The following LRP1 variants were observed in gnomAD, a reference collection of about 807,000 sequenced individuals.
LRP1 encodes the protein LDL receptor related protein 1, also known as prolow-density lipoprotein receptor-related protein 1.
LRP1 carries 51 observed loss-of-function variants against 541.5 expected under a neutral mutation model. The observed-to-expected ratio is 0.09, with a 90% CI of 0.08 to 0.12. The LOEUF (loss-of-function observed/expected upper bound fraction) is 0.12. Ranked by LOEUF, LRP1 falls within the 10% of genes least tolerant of loss-of-function variation. LRP1 has a pLI of 1.00. For synonymous variants in LRP1, 2,219 were observed against 2,470.8 expected (o/e 0.90, Z 3.02); for missense variants, 3,878 against 6,376.2 (o/e 0.61, Z 13.34).
intron 11 of LRP1, 73 bp from the exon 12 acceptor site, chr12:57,159,752 C>G (rs976589357): frequency 1.7e-5 from 26 of 1,511,704 alleles, no homozygotes; most frequent in Non-Finnish European, 2.4e-5. Flanking sequence ...TACCTGAGTC[C>G]GGGAGGGCCA....
At chr12:57,144,429 G>T (rs189315933) in intron 4 of LRP1, among the ~76,000 whole-genome samples, 1 of 152,058 alleles carries the variant, frequency 6.6e-6, no homozygotes, top group Admixed American at 6.5e-5. Flanking sequence ...ATTTTTCACT[G>T]CTACAAGCAA....
Position 57,210,471 on chromosome 12 carries a change from T to C in LRP1, c.12745T>C (p.Ser4249Pro). The change falls in exon 82 of 89, where the codon TCC becomes CCC. Residue 4249 changes from serine to proline, a missense_variant. Ser to Pro is a moderately conservative substitution (Grantham distance 74). Coordinates refer to ENST00000243077, the MANE Select transcript of LRP1 (RefSeq NM_002332.3). ...TCGCAATGGGGGCACCTGTGCTGCCTCCCCCTCTGGTATGCCCCCTCATCC... is the reference window on the plus strand; with the variant it reads ...TCGCAATGGGGGCACCTGTGCTGCCCCCCCCTCTGGTATGCCCCCTCATCC... ...HCRNGGTCAA[S>P]PSGMPTCRCP... is the part of the protein sequence containing the mutation. The C allele has an allele frequency of 6.6e-7, 1 of 1,525,238 alleles. No homozygotes were observed. Among genetic ancestry groups the C allele is most frequent in the Admixed American group, 2.1e-5 (1 of 48,760 alleles). The allele number at this position is 1,525,238 out of a possible 1,614,324, so 94.5% of individuals were successfully genotyped here. A position where few individuals can be genotyped will look rare whatever the true frequency, so the allele number is the denominator to read the frequency against.
Position 57,190,883 on chromosome 12 carries a change from C to G in LRP1, c.7110C>G (p.Thr2370=). The change falls in exon 43 of 89, where the codon ACC becomes ACG. Residue 2370 remains threonine (T), a synonymous_variant. Coordinates refer to ENST00000243077, the MANE Select transcript of LRP1 (RefSeq NM_002332.3). ...RAALSGANVL[T]LIEKDIRTPN... is the part of the protein sequence containing the mutation. ...CGCTCTCGGGAGCCAATGTCCTGAC[C>G]CTTATCGAGAAGGACATCCGTACCC... The G allele has an allele frequency of 6.2e-7, 1 of 1,613,980 alleles. No homozygotes were observed.
intron 76 of LRP1, 81 bp from the exon 77 acceptor site, chr12:57,207,957 C>T: frequency 6.6e-7 from 1 of 1,510,306 alleles, no homozygotes. Context: ...GGTGACGTTC[C>T]AGCAGGCTGG....
In LRP1 at chr12:57,206,614, C is replaced by G. The variant is rs773527918; in HGVS notation, c.11732C>G (p.Ala3911Gly). Reference protein sequence around the residue: ...RIDAMDVHVKAGRVYWTNWHT... With the variant: ...RIDAMDVHVKGGRVYWTNWHT... ...GATGCTATGGATGTCCATGTCAAGG[C>G]TGGCCGTGTCTATTGGACCAACTGG... is the stretch of plus-strand genomic sequence containing the variant. The change falls in exon 76 of 89, where the codon GCT becomes GGT. Residue 3911 changes from alanine (A) to glycine (G), a missense_variant. Physicochemically the swap from Ala to Gly is moderately conservative, Grantham distance 60 (BLOSUM62 0). Around this residue, in one of 13 missense-constraint regions of LRP1, gnomAD observed 871 missense variants for 1,212.4 expected, o/e 0.72. Coordinates refer to ENST00000243077, the MANE Select transcript of LRP1 (RefSeq NM_002332.3). This position sits in a 1 kb window ranked among gnomAD's most constrained non-coding sequence, Gnocchi z 4.7. 1.2e-6 allele frequency: 2 copies of G among 1,614,164 alleles called. No individual in the cohort carries two copies. Among genetic ancestry groups the G allele is most frequent in the South Asian group, 2.2e-5 (2 of 91,086 alleles).
rs1007921917 is a variant in LRP1 at position 57,179,240 on chromosome 12, C to T, written c.4739-89C>T. On this transcript the variant is annotated intron_variant, in intron 28 of 88. Transcript: ENST00000243077. The surrounding 1 kb of genome is among the most constrained non-coding windows in gnomAD (Gnocchi z 6.8). ...GAGCCAAGGGCCAGTAGCAAACAGA[C>T]GGATCCAGAAGAAGGCAGGGCCTGA... The T allele has an allele frequency of 5.5e-5, 68 of 1,235,206 alleles. No individual in the cohort carries two copies. The highest frequency in any genetic ancestry group is 1.4e-4 in the South Asian group (10 of 72,886). 76.5% of individuals were successfully genotyped at this position (1,235,206 alleles called of 1,614,324 possible).
intron 6 of LRP1, chr12:57,149,846 C>A: frequency 1.5e-6 from 1 of 683,476 alleles, no homozygotes; most frequent in South Asian, 1.5e-5. Flanking sequence ...GTCTCCTTCC[C>A]ACCTTCGAAG....
chr12:57,155,042 G>A lies in LRP1; in HGVS notation c.1227+341G>A, dbSNP rs1210990090. 3.1e-5 allele frequency: 17 copies of A among 550,790 alleles called. No homozygotes were observed. The East Asian group carries it at 5.0e-4, about 16-fold the overall frequency. 34.1% of individuals were successfully genotyped at this position (550,790 alleles called of 1,614,324 possible). On this transcript the variant is annotated intron_variant, in intron 8 of 88. Coordinates refer to ENST00000243077, the MANE Select transcript of LRP1 (RefSeq NM_002332.3). Reference sequence around the variant, plus strand: ...ATCAAAGAGGTTAGGTGATTTGCCTGTGTTTACAAAGCCGGGTGATAGCAC... The same window carrying A: ...ATCAAAGAGGTTAGGTGATTTGCCTATGTTTACAAAGCCGGGTGATAGCAC...
At chr12:57,180,903 G>A (rs2036152059) in intron 33 of LRP1, 96 bp downstream of exon 33, 1 of 1,520,996 alleles carries the variant, frequency 6.6e-7, no homozygotes, top group Admixed American at 1.7e-5. Context: ...GGGAGTAAGT[G>A]GGTTAGGCTG....
intron 10 of LRP1, among the ~76,000 whole-genome samples, chr12:57,157,939 G>T (rs1290954310): frequency 6.6e-6 from 1 of 152,218 alleles, no homozygotes; most frequent in Non-Finnish European, 1.5e-5. Context: ...GACATGATTG[G>T]ATTCACATTT....
chr12:57,163,127 G>A lies in LRP1; in HGVS notation c.2530+144G>A, dbSNP rs1017320232. 5 of 1,235,618 alleles carry A rather than the reference G, an allele frequency of 4.0e-6. No homozygotes were observed. In the East Asian group the frequency reaches 1.0e-4, roughly 25 times the overall value. 76.5% of individuals were successfully genotyped at this position (1,235,618 alleles called of 1,614,324 possible). ...TAGGGGGCCAACAGGAAGCAAGGGAGGGGGAGAGCAAAGGCTCTGGGGGCT... is the reference window on the plus strand; with the variant it reads ...TAGGGGGCCAACAGGAAGCAAGGGAAGGGGAGAGCAAAGGCTCTGGGGGCT... On this transcript the variant is annotated intron_variant, in intron 15 of 88. Coordinates refer to ENST00000243077, the MANE Select transcript of LRP1 (RefSeq NM_002332.3).
intron 8 of LRP1, chr12:57,155,590 T>C (rs1592615626): frequency 6.5e-6 from 1 of 154,372 alleles, no homozygotes; most frequent in East Asian, 1.9e-4. Flanking sequence ...AGTGGGATCT[T>C]GGTAAGCAAA....
Position 57,201,518 on chromosome 12 carries a change from A to G in LRP1, c.10367A>G (p.Asn3456Ser), listed in dbSNP as rs766116085. The part of the protein sequence containing the change: ...RDCPEVTCAP[N>S]QFQCSITKRC... Reference sequence around the variant, plus strand: ...ACAGCCGAGGTGACCTGCGCCCCCAACCAGTTCCAGTGCTCCATTACCAAA... The same window carrying G: ...ACAGCCGAGGTGACCTGCGCCCCCAGCCAGTTCCAGTGCTCCATTACCAAA... Residue 3456 changes from asparagine (N) to serine (S), a missense_variant, in exon 66 of 89, where the codon AAC becomes AGC. By Grantham distance (46) the Asn-to-Ser change is conservative. Transcript: ENST00000243077. The surrounding 1 kb of genome is among the most constrained non-coding windows in gnomAD (Gnocchi z 6.4). 1.2e-6 allele frequency: 2 copies of G among 1,613,390 alleles called. No individual in the cohort carries two copies. Among genetic ancestry groups the G allele is most frequent in the Non-Finnish European group, 1.7e-6 (2 of 1,179,674 alleles).
rs1208821870 is a variant in LRP1 at position 57,209,804 on chromosome 12, C to A, written c.12375C>A (p.Asn4125Lys). The A allele has an allele frequency of 6.2e-7, 1 of 1,614,096 alleles. No individual in the cohort carries two copies. Among genetic ancestry groups the A allele is most frequent in the Admixed American group, 1.7e-5 (1 of 60,008 alleles). ...AGTTTGGCCACAGCCCCTTGGTCAA[C>A]CTGACAGGGGGCCTGAGCCACGCCT... ...IHKFGHSPLVNLTGGLSHASD... is the reference protein window; with the variant it reads ...IHKFGHSPLVKLTGGLSHASD... Residue 4125 changes from asparagine (N) to lysine (K), a missense_variant, in exon 80 of 89, where the codon AAC (asparagine) becomes AAA (lysine). Transcript: ENST00000243077.
At chr12:57,166,529 C>G (rs1281784776) in intron 17 of LRP1, 10 of 393,764 alleles carry the variant, frequency 2.5e-5, no homozygotes, top group Non-Finnish European at 4.1e-5. Flanking sequence ...CCACTGCTCT[C>G]CAGCCTAGAC....
At position 57,193,989 on chromosome 12, in the gene LRP1, A is replaced by G; in HGVS notation, c.7895A>G (p.Asp2632Gly). 2 of 1,614,158 alleles carry G rather than the reference A, an allele frequency of 1.2e-6. No homozygotes were observed. Among genetic ancestry groups the G allele is most frequent in the Non-Finnish European group, 1.7e-6 (2 of 1,180,022 alleles). Reference protein sequence around the residue: ...SRCNQFVDCEDASDEMNCSAT... With the variant: ...SRCNQFVDCEGASDEMNCSAT... The stretch of plus-strand genomic sequence containing the variant: ...TGCAACCAGTTTGTGGATTGTGAGG[A>G]CGCCTCAGATGAGATGAACTGCAGT... Residue 2632 changes from aspartate (D) to glycine (G), a missense_variant, in exon 48 of 89, where the codon GAC becomes GGC. Transcript: ENST00000243077.
rs750447929 is a variant in LRP1, at chr12:57,201,912, C to T, written c.10594+7C>T. 18 of 1,613,556 alleles carry T rather than the reference C, an allele frequency of 1.1e-5. No homozygotes were observed. Among genetic ancestry groups the T allele is most frequent in the African/African-American group, 1.3e-5 (1 of 74,796 alleles). Reference sequence around the variant, plus strand: ...GAGCCCAAGGAAGAGTGTGGTGAGCCGAGACCCCACTCCAGGAGGAAGACA... The same window carrying T: ...GAGCCCAAGGAAGAGTGTGGTGAGCTGAGACCCCACTCCAGGAGGAAGACA... On this transcript the variant is annotated splice_region_variant and intron_variant, in intron 67 of 88. Coordinates refer to ENST00000243077, the MANE Select transcript of LRP1 (RefSeq NM_002332.3). This position sits in a 1 kb window ranked among gnomAD's most constrained non-coding sequence, Gnocchi z 6.4.
Position 57,198,731 on chromosome 12 carries a change from C to T in LRP1, c.9676+61C>T, listed in dbSNP as rs747830822. On this transcript the variant is annotated intron_variant, in intron 60 of 88. Transcript: ENST00000243077. ...ACTCAGTGGGGATGGAGGTCTGAAG[C>T]GACAGGGGATCAAGTTTTGGGGGCA... 5.6e-5 allele frequency: 82 copies of T among 1,473,402 alleles called. 1 individual carries two copies. Among genetic ancestry groups the T allele is most frequent in the Admixed American group, 1.9e-4 (10 of 52,150 alleles). 91.3% of individuals were successfully genotyped at this position (1,473,402 alleles called of 1,614,324 possible).
Position 57,204,309 on chromosome 12 carries a change from C to T in LRP1, c.10952-101C>T. On this transcript the variant is annotated intron_variant, in intron 70 of 88. Transcript: ENST00000243077. This position sits in a 1 kb window ranked among gnomAD's most constrained non-coding sequence, Gnocchi z 5.3. ...TGGTTCCAATTTGGCTGTGCCACTG[C>T]TTGCCTGGTGACCCCTCTGAGCCTG... 1 of 1,346,930 alleles carries T rather than the reference C, an allele frequency of 7.4e-7. No individual in the cohort carries two copies. The highest frequency in any genetic ancestry group is 2.6e-4 in the Middle Eastern group (1 of 3,778). 83.4% of individuals were successfully genotyped at this position (1,346,930 alleles called of 1,614,324 possible). A position where few individuals can be genotyped will look rare whatever the true frequency, so the allele number is the denominator to read the frequency against.
Sources: gnomAD v4.1 joint callset for allele counts (sites outside exome capture counted in the v4.1 genomes callset) on GRCh38, gnomAD v4.1.1 for gene constraint, gnomAD v4.1.1 regional missense constraint, Gnocchi (gnomAD v3.1) non-coding constraint, MANE v1.5 for transcripts, NCBI Gene and HGNC (gene_info 2026-07-23, HGNC 2026-07-21) for gene names.